Variants in NELL1 observed in about 807,000 individuals in gnomAD.
NELL1 encodes protein kinase C-binding protein NELL1.
Under a neutral mutation model 107.4 loss-of-function variants are expected in NELL1, and 76 were observed. The observed-to-expected ratio is 0.71, with a 90% CI of 0.59 to 0.86. The LOEUF is 0.86. Ranked by LOEUF, NELL1 falls within the 40% of genes least tolerant of loss-of-function variation. The pLI, the probability that NELL1 is intolerant of heterozygous loss-of-function variation, is 0.00. For synonymous variants in NELL1, 353 were observed against 341.2 expected (o/e 1.03, Z -0.38); for missense variants, 1,024 against 1,005.5 (o/e 1.02, Z -0.25).
At chr11:21,500,779 T>C (rs756029533) in intron 15 of NELL1, among the ~76,000 whole-genome samples, 1 of 152,162 alleles carries the variant, frequency 6.6e-6, no homozygotes, top group Non-Finnish European at 1.5e-5. Context: ...TGTTTTCAGA[T>C]ATGTTACCTC....
At chr11:20,756,516 A>ATTTTTTTTTT (rs753445309) in intron 2 of NELL1, among the ~76,000 whole-genome samples, 1 of 97,322 alleles carries the variant, frequency 1.0e-5, no homozygotes. Flanking sequence ...ATTTTTTGTA[A>ATTTTTTTTTT]TTTTTTTTTT....
At chr11:21,433,282 T>A (rs1041588004) in intron 15 of NELL1, among the ~76,000 whole-genome samples, 5 of 152,178 alleles carry the variant, frequency 3.3e-5, no homozygotes, top group Middle Eastern at 3.2e-3. Flanking sequence ...CATCTGCTGA[T>A]GGGCATGTGG....
intron 3 of NELL1, among the ~76,000 whole-genome samples, chr11:20,828,484 C>G (rs925284493): frequency 3.9e-5 from 6 of 152,140 alleles, no homozygotes; most frequent in African/African-American, 4.8e-5. Flanking sequence ...TATGAGGAGC[C>G]ATTTTCCTAG....
intron 2 of NELL1, among the ~76,000 whole-genome samples, chr11:20,700,793 A>G (rs1374293826): frequency 6.6e-6 from 1 of 152,068 alleles, no homozygotes; most frequent in African/African-American, 2.4e-5. Context: ...TTTGCTGAGA[A>G]TGATGGTTTC....
chr11:21,358,394 TTTTTGTTTTG>T (rs890329950), intron 14 of NELL1, among the ~76,000 whole-genome samples: 7 of 151,850 alleles, frequency 4.6e-5, no homozygotes, highest in African/African-American at 1.7e-4. Context: ...TGTAAGGTTT[TTTTTGTTTTG>T]TTTTGTTTTT....
At chr11:21,067,360 AT>A (rs149289019) in intron 12 of NELL1, among the ~76,000 whole-genome samples, 4 of 151,706 alleles carry the variant, frequency 2.6e-5, no homozygotes, top group East Asian at 1.9e-4. Flanking sequence ...TGCAAACATG[AT>A]TTTTTTTTAA....
upstream of NELL1, chr11:20,669,561 T>C (rs1408612165): frequency 4.4e-5 from 16 of 363,688 alleles, no homozygotes; most frequent in Non-Finnish European, 7.0e-5. This position sits in a 1 kb window ranked among gnomAD's most constrained non-coding sequence, Gnocchi z 4.4. Flanking sequence ...GGGGCTGCCT[T>C]CCCGGGCGCA....
chr11:21,466,270 G>A lies in NELL1; in HGVS notation c.1646-68104G>A, dbSNP rs1183507582. On this transcript the variant is annotated intron_variant, in intron 15 of 19. Transcript: ENST00000357134. ...TTGCGGAGGACTAGTGAGGTCTGGC[G>A]ACTAGACATGGCACCCTACTAGCTG... Among the ~76,000 whole-genome samples the A allele has an allele frequency of 3.3e-5, 5 of 152,092 alleles. 1 individual carries two copies. The highest frequency in any genetic ancestry group is 4.1e-4 in the South Asian group (2 of 4,824).
At chr11:21,568,372 T>C (rs1465678230) in intron 17 of NELL1, among the ~76,000 whole-genome samples, 1 of 151,856 alleles carries the variant, frequency 6.6e-6, no homozygotes, top group Non-Finnish European at 1.5e-5. Context: ...GTTGGGTGCA[T>C]GTGAAGGCCT....
intron 15 of NELL1, among the ~76,000 whole-genome samples, chr11:21,478,693 T>TA (rs34265788): frequency 0.021 from 2,999 of 139,920 alleles, 81 homozygotes; most frequent in African/African-American, 0.07. Context: ...CACACCAAGT[T>TA]AAAAAAAAAA....
chr11:20,872,671 GGT>G (rs61184129), intron 4 of NELL1, among the ~76,000 whole-genome samples: 6,163 of 137,080 alleles, frequency 0.045, 386 homozygotes, highest in African/African-American at 0.15. Context: ...CAGTGTTTGA[GGT>G]GTGTGTGTGT....
intron 12 of NELL1, among the ~76,000 whole-genome samples, chr11:21,109,273 T>G (rs1370460069): frequency 6.6e-6 from 1 of 152,140 alleles, no homozygotes; most frequent in Non-Finnish European, 1.5e-5. Context: ...TTTTCCTTTA[T>G]AAGGTACGTA....
chr11:21,265,532 A>C (rs1848618619), intron 14 of NELL1, among the ~76,000 whole-genome samples: 1 of 152,056 alleles, frequency 6.6e-6, no homozygotes, highest in East Asian at 1.9e-4. Context: ...GCAATAGAGA[A>C]AATGGAACAA....
chr11:21,301,894 C>A (rs375639768), intron 14 of NELL1, among the ~76,000 whole-genome samples: 1 of 152,062 alleles, frequency 6.6e-6, no homozygotes, highest in Admixed American at 6.6e-5. Context: ...ATCCTCACAG[C>A]AATTCTGTAA....
At chr11:21,335,556 T>G (rs562968148) in intron 14 of NELL1, among the ~76,000 whole-genome samples, 3 of 152,070 alleles carry the variant, frequency 2.0e-5, no homozygotes, top group Non-Finnish European at 4.4e-5. Flanking sequence ...ATTTGTTATC[T>G]GCCAATGGAA....
chr11:21,189,234 A>G (rs1160857137), intron 13 of NELL1, among the ~76,000 whole-genome samples: 1 of 151,898 alleles, frequency 6.6e-6, no homozygotes, highest in Admixed American at 6.6e-5. Flanking sequence ...TTTTACAATT[A>G]CAAAGAATGT....
At chr11:21,412,516 C>T (rs1286545799) in intron 15 of NELL1, among the ~76,000 whole-genome samples, 2 of 152,046 alleles carry the variant, frequency 1.3e-5, no homozygotes, top group Non-Finnish European at 2.9e-5. Flanking sequence ...TAATAAATGA[C>T]AGAACCAAGA....
intron 13 of NELL1, among the ~76,000 whole-genome samples, chr11:21,209,444 A>G (rs1196444915): frequency 2.0e-5 from 3 of 151,620 alleles, no homozygotes; most frequent in Non-Finnish European, 2.9e-5. Flanking sequence ...TTTTATCAAA[A>G]TAACTACCAT....
At chr11:21,069,054 T>C (rs1028475473) in intron 12 of NELL1, among the ~76,000 whole-genome samples, 1 of 152,194 alleles carries the variant, frequency 6.6e-6, no homozygotes, top group African/African-American at 2.4e-5. Flanking sequence ...ATTTTCTTTC[T>C]TGTGGAAACA....
Sources: gnomAD v4.1 joint callset for allele counts (sites outside exome capture counted in the v4.1 genomes callset) on GRCh38, gnomAD v4.1.1 for gene constraint, Gnocchi (gnomAD v3.1) non-coding constraint, MANE v1.5 for transcripts, NCBI Gene and HGNC (gene_info 2026-07-23, HGNC 2026-07-21) for gene names.